MGAT3: variants seen among roughly 807,000 people sequenced by gnomAD.
MGAT3 encodes the protein GlcNAc-T III.
MGAT3 carries 9 observed loss-of-function variants against 29.8 expected under a neutral mutation model. That is an observed-to-expected ratio of 0.30 (90% confidence interval 0.18 to 0.53). MGAT3 has a LOEUF of 0.53. Among genes scored for constraint, MGAT3 ranks in the 20% least tolerant of loss-of-function variants. The pLI, the probability that MGAT3 is intolerant of heterozygous loss-of-function variation, is 0.96. For missense variants in MGAT3, 557 were observed against 769.5 expected, an observed-to-expected ratio of 0.72 and a Z score of 3.27; for synonymous variants, 397 against 348.9, an observed-to-expected ratio of 1.14 and a Z score of -1.54.
chr22:39,481,288 C>T (rs1259575828), intron 1 of MGAT3, among the ~76,000 whole-genome samples: 1 of 152,256 alleles, frequency 6.6e-6, no homozygotes. Flanking sequence ...TGAGCCTGCC[C>T]TGCCCACTCC....
At chr22:39,458,123 TG>T (rs1928392427) in intron 1 of MGAT3, among the ~76,000 whole-genome samples, 1 of 151,352 alleles carries the variant, frequency 6.6e-6, no homozygotes, top group Non-Finnish European at 1.5e-5. Context: ...TTTACCGGGG[TG>T]GGGGCCCCCG....
rs1475873286 is a variant in MGAT3 at position 39,474,948 on chromosome 22, C to A, written c.-1-12399C>A. Among the ~76,000 whole-genome samples the A allele has an allele frequency of 1.3e-5, 2 of 152,118 alleles. 1 individual carries two copies. The highest frequency in any genetic ancestry group is 3.9e-4 in the East Asian group (2 of 5,184). On this transcript the variant is annotated intron_variant, in intron 1 of 1. Coordinates refer to ENST00000341184, the MANE Select transcript of MGAT3 (RefSeq NM_002409.5). ...GCTCCCTGATAAGGTCCCTCTCTGC[C>A]TGGACTGGGGACTGAGGATCCGAGA...
intron 1 of MGAT3, among the ~76,000 whole-genome samples, chr22:39,486,949 A>C (rs144473615): frequency 1.3e-5 from 2 of 152,216 alleles, no homozygotes; most frequent in Non-Finnish European, 2.9e-5. Context: ...GGCAGCCTAC[A>C]GCCTGCTCTC....
intron 1 of MGAT3, among the ~76,000 whole-genome samples, chr22:39,484,081 A>C (rs1414631593): frequency 6.6e-6 from 1 of 152,220 alleles, no homozygotes; most frequent in African/African-American, 2.4e-5. Context: ...TTCACACTCC[A>C]GCTCTGTTGT....
At chr22:39,484,460 C>T (rs1286394146) in intron 1 of MGAT3, among the ~76,000 whole-genome samples, 1 of 152,040 alleles carries the variant, frequency 6.6e-6, no homozygotes, top group Non-Finnish European at 1.5e-5. Context: ...GCAACCCCCA[C>T]GTCCCTGGTT....
At chr22:39,484,739 A>G (rs1436303880) in intron 1 of MGAT3, among the ~76,000 whole-genome samples, 1 of 151,616 alleles carries the variant, frequency 6.6e-6, no homozygotes, top group East Asian at 2.0e-4. Flanking sequence ...ATGGTGGTTC[A>G]TGCCTGTAAT....
At chr22:39,481,572 TGAGC>T (rs1047662847) in intron 1 of MGAT3, among the ~76,000 whole-genome samples, 1 of 152,164 alleles carries the variant, frequency 6.6e-6, no homozygotes, top group Non-Finnish European at 1.5e-5. Flanking sequence ...GTGGGTTGGG[TGAGC>T]ACCCTGTGGC....
At position 39,487,810 on chromosome 22, in the gene MGAT3, GC is replaced by G; in HGVS notation, c.466del (p.Arg156GlyfsTer102). 6.7e-7 allele frequency: 1 copy of G among 1,493,024 alleles called. No homozygotes were observed. The highest frequency in any genetic ancestry group is 1.3e-5 in the South Asian group (1 of 74,578). The allele number at this position is 1,493,024 out of a possible 1,614,324, so 92.5% of individuals were successfully genotyped here. On this transcript the variant is annotated frameshift_variant, in exon 2 of 2. Coordinates refer to ENST00000341184, the MANE Select transcript of MGAT3 (RefSeq NM_002409.5). LOFTEE classifies it high-confidence loss of function. This position sits in a 1 kb window ranked among gnomAD's most constrained non-coding sequence, Gnocchi z 5.7. ...GCGGCCACCCCGGTACCTCCTGAGC[GC>G]CCGGGAGCGCACGGGGGGCCGAGGC... ...ARRPPRYLLSARERTGGRGAR... is the reference protein window; with the variant it reads ...ARRPPRYLLSXRERTGGRGAR...
intron 1 of MGAT3, among the ~76,000 whole-genome samples, chr22:39,460,192 C>A (rs1769214048): frequency 6.6e-6 from 1 of 152,206 alleles, no homozygotes; most frequent in African/African-American, 2.4e-5. Flanking sequence ...CTCATCTTAG[C>A]CATCTCCAAG....
Position 39,483,644 on chromosome 22 carries a change from C to G in MGAT3, c.-1-3703C>G, listed in dbSNP as rs142008425. Among the ~76,000 whole-genome samples the G allele has an allele frequency of 6.2e-3, 944 of 152,270 alleles. 12 individuals are homozygous for G. Among genetic ancestry groups the G allele is most frequent in the African/African-American group, 0.021 (879 of 41,542 alleles). On this transcript the variant is annotated intron_variant, in intron 1 of 1. Transcript: ENST00000341184. ...GTATTGCCTTGTGTCTGGTCCTGGC[C>G]ACAGCACTCCTAGCCCCTTTTGCTC...
intron 1 of MGAT3, among the ~76,000 whole-genome samples, chr22:39,486,602 G>A (rs1490383527): frequency 6.6e-6 from 1 of 152,212 alleles, no homozygotes; most frequent in East Asian, 1.9e-4. Flanking sequence ...GAGGTCTCAA[G>A]TGATCCTCCC....
At position 39,488,185 on chromosome 22, in the gene MGAT3, G is replaced by C. The variant is rs149346413; in HGVS notation, c.838G>C (p.Gly280Arg). The C allele has an allele frequency of 1.2e-6, 2 of 1,612,900 alleles. No individual in the cohort carries two copies. The highest frequency in any genetic ancestry group is 1.3e-5 in the African/African-American group (1 of 74,934). Residue 280 changes from glycine (G) to arginine (R), a missense_variant, in exon 2 of 2, where the codon GGC becomes CGC. Gly to Arg is a moderately radical substitution (Grantham distance 125). Coordinates refer to ENST00000341184, the MANE Select transcript of MGAT3 (RefSeq NM_002409.5). ...LYVFLDHFPP[G>R]GRQDGWIADD... The stretch of plus-strand genomic sequence containing the variant: ...TGTCTTCCTGGACCACTTCCCGCCC[G>C]GCGGCCGGCAGGACGGCTGGATCGC...
chr22:39,482,202 G>T (rs1023886077), intron 1 of MGAT3, among the ~76,000 whole-genome samples: 22 of 149,964 alleles, frequency 1.5e-4, no homozygotes, highest in Non-Finnish European at 3.0e-4. Flanking sequence ...GCCCAAGCTG[G>T]TCTTGAACTC....
At chr22:39,460,801 A>G (rs1316493383) in intron 1 of MGAT3, among the ~76,000 whole-genome samples, 1 of 152,122 alleles carries the variant, frequency 6.6e-6, no homozygotes, top group Non-Finnish European at 1.5e-5. Flanking sequence ...CATCTCAAAA[A>G]TAAATAGATA....
At position 39,490,764 on chromosome 22, in the gene MGAT3, G is replaced by A. The variant is rs1415525252; in HGVS notation, c.*1815G>A. The A allele has an allele frequency of 6.0e-6, 1 of 166,894 alleles. No homozygotes were observed. The highest frequency in any genetic ancestry group is 2.4e-5 in the African/African-American group (1 of 41,364). The allele number at this position is 166,894 out of a possible 1,614,324, so 10.3% of individuals were successfully genotyped here. A position where few individuals can be genotyped will look rare whatever the true frequency, so the allele number is the denominator to read the frequency against. ...GCATGCTTGGTGTGTATTTGTACAT[G>A]TCTGTATTGCTGTGTCCCTGTAAAT... On this transcript the variant is annotated 3_prime_UTR_variant, in exon 2 of 2. Transcript: ENST00000341184.
chr22:39,487,323 C>T lies in MGAT3; in HGVS notation c.-1-24C>T. The T allele has an allele frequency of 1.3e-6, 2 of 1,599,408 alleles. No homozygotes were observed. Among genetic ancestry groups the T allele is most frequent in the Non-Finnish European group, 1.7e-6 (2 of 1,173,748 alleles). ...AGGAGCCTGGGCTGCCCTGATGAGTCTCCTGTCTCTCTCTCTCCCGCAGGA... is the reference window on the plus strand; with the variant it reads ...AGGAGCCTGGGCTGCCCTGATGAGTTTCCTGTCTCTCTCTCTCCCGCAGGA... On this transcript the variant is annotated intron_variant, in intron 1 of 1. Coordinates refer to ENST00000341184, the MANE Select transcript of MGAT3 (RefSeq NM_002409.5). This position sits in a 1 kb window ranked among gnomAD's most constrained non-coding sequence, Gnocchi z 5.7.
At chr22:39,480,171 C>T (rs546261120) in intron 1 of MGAT3, among the ~76,000 whole-genome samples, 152 of 152,222 alleles carry the variant, frequency 1.0e-3, no homozygotes, top group African/African-American at 3.5e-3. Context: ...TCCAGGGAGG[C>T]TATCTTGGCA....
chr22:39,473,400 C>T (rs766811995), intron 1 of MGAT3, among the ~76,000 whole-genome samples: 6 of 152,192 alleles, frequency 3.9e-5, no homozygotes, highest in Non-Finnish European at 5.9e-5. Flanking sequence ...AACACGATAA[C>T]TAACCCACTT....
chr22:39,468,826 G>A (rs1803976548), intron 1 of MGAT3, among the ~76,000 whole-genome samples: 1 of 152,016 alleles, frequency 6.6e-6, no homozygotes, highest in African/African-American at 2.4e-5. Flanking sequence ...GAGTAGGCTG[G>A]GGTCAGGGAG....
Sources: allele counts gnomAD v4.1 joint callset (sites outside exome capture counted in the v4.1 genomes callset), GRCh38; gene constraint gnomAD v4.1.1; non-coding constraint Gnocchi (gnomAD v3.1); transcripts MANE v1.5; gene names NCBI Gene and HGNC (gene_info 2026-07-23, HGNC 2026-07-21).